COPS2: variants seen among roughly 807,000 people sequenced by gnomAD.
COPS2 encodes COP9 signalosome complex subunit 2.
In COPS2, 10 loss-of-function variants were observed where a neutral mutation model predicts 66.1. That is an observed-to-expected ratio of 0.15 (90% CI 0.09 to 0.26). COPS2 has a LOEUF of 0.26. Among genes scored for constraint, COPS2 ranks in the 10% least tolerant of loss-of-function variants. The pLI, the probability that COPS2 is intolerant of heterozygous loss-of-function variation, is 1.00. For missense variants in COPS2, 215 were observed against 513.3 expected, an observed-to-expected ratio of 0.42 and a Z score of 5.62; for synonymous variants, 179 against 171.3, an observed-to-expected ratio of 1.04 and a Z score of -0.35.
At chr15:49,139,464 A>G (rs2141128154) in intron 4 of COPS2, 64 bp downstream of exon 4, 4 of 1,335,264 alleles carry the variant, frequency 3.0e-6, no homozygotes, top group Non-Finnish European at 4.2e-6. Flanking sequence ...TCTATAAAGA[A>G]CAAAGCCCTT....
At chr15:49,137,498 T>C in intron 4 of COPS2, 61 bp from the exon 5 acceptor site, 1 of 1,213,648 alleles carries the variant, frequency 8.2e-7, no homozygotes, top group Non-Finnish European at 1.2e-6. Context: ...GTTAATAAAG[T>C]TAATTTGAAC....
In COPS2 at chr15:49,126,564, GTTC is replaced by G. The variant is rs2084168679; in HGVS notation, c.*1383_*1385del. 1 of 152,292 alleles carries G rather than the reference GTTC, an allele frequency of 6.6e-6. No homozygotes were observed. The highest frequency in any genetic ancestry group is 2.1e-4 in the South Asian group (1 of 4,824). 9.4% of individuals were successfully genotyped at this position (152,292 alleles called of 1,614,324 possible). ...AACCAAAGAAATTATGTTAATCCTA[GTTC>G]TTCCTTTCGACACTATAAAATAATG... On this transcript the variant is annotated 3_prime_UTR_variant, in exon 13 of 13. Transcript: ENST00000388901.
Position 49,128,098 on chromosome 15 carries a change from GA to G in COPS2, c.1188-5del. 6.2e-7 allele frequency: 1 copy of G among 1,611,884 alleles called. No individual in the cohort carries two copies. Among genetic ancestry groups the G allele is most frequent in the Non-Finnish European group, 8.5e-7 (1 of 1,178,880 alleles). On this transcript the variant is annotated splice_polypyrimidine_tract_variant and splice_region_variant and intron_variant, in intron 12 of 12. Coordinates refer to ENST00000388901, the MANE Select transcript of COPS2 (RefSeq NM_004236.4). ...ATCAATTCGGCCATGAATAGTGCTA[GA>G]AAGAAATAAATAAGATGTGTCTACA...
intron 1 of COPS2, 82 bp from the exon 2 acceptor site, chr15:49,145,160 GA>G: frequency 1.5e-6 from 1 of 688,642 alleles, no homozygotes. Context: ...ATGCTGTTAA[GA>G]CAGAAAAACC....
chr15:49,146,330 A>T (rs2084321075), intron 1 of COPS2, among the ~76,000 whole-genome samples: 1 of 152,170 alleles, frequency 6.6e-6, no homozygotes. Context: ...AGATGAAACT[A>T]GGTAGTAAAT....
At chr15:49,144,760 C>T (rs1376108237) in intron 2 of COPS2, among the ~76,000 whole-genome samples, 11 of 152,120 alleles carry the variant, frequency 7.2e-5, no homozygotes, top group Admixed American at 7.2e-4. Context: ...TTTTTCAGGA[C>T]AATGGCCCTG....
chr15:49,136,882 A>T (rs1251378370), intron 6 of COPS2, among the ~76,000 whole-genome samples: 1 of 152,060 alleles, frequency 6.6e-6, no homozygotes, highest in East Asian at 1.9e-4. Context: ...CCAGCTACTT[A>T]GGAGGCTGAG....
intron 6 of COPS2, among the ~76,000 whole-genome samples, 167 bp from the exon 7 acceptor site, chr15:49,134,681 A>C (rs1444900829): frequency 6.6e-6 from 1 of 152,212 alleles, no homozygotes; most frequent in Non-Finnish European, 1.5e-5. Flanking sequence ...ATGGCCAAAA[A>C]GAAACTAATA....
intron 1 of COPS2, among the ~76,000 whole-genome samples, chr15:49,155,141 C>A (rs1369261396): frequency 6.6e-6 from 1 of 152,266 alleles, no homozygotes; most frequent in East Asian, 1.9e-4. Context: ...GAAGTGGGGG[C>A]CCGGAACGCT....
chr15:49,147,918 G>A (rs1183940679), intron 1 of COPS2, among the ~76,000 whole-genome samples: 3 of 151,806 alleles, frequency 2.0e-5, no homozygotes. Flanking sequence ...CATGAGAATC[G>A]GCACAACTGA....
At chr15:49,143,977 GA>G (rs1196475455) in intron 3 of COPS2, among the ~76,000 whole-genome samples, 30 of 148,392 alleles carry the variant, frequency 2.0e-4, no homozygotes, top group East Asian at 5.9e-4. Context: ...CAGAGCGGGG[GA>G]AAAAAAAAAA....
intron 1 of COPS2, among the ~76,000 whole-genome samples, chr15:49,154,139 A>G (rs527841338): frequency 4.5e-4 from 68 of 152,294 alleles, no homozygotes; most frequent in South Asian, 3.7e-3. Context: ...AACCCCCCAT[A>G]AATATGTACA....
At chr15:49,150,421 T>C (rs2084352062) in intron 1 of COPS2, among the ~76,000 whole-genome samples, 1 of 152,180 alleles carries the variant, frequency 6.6e-6, no homozygotes, top group Non-Finnish European at 1.5e-5. Context: ...ACATGTTCGC[T>C]ATGTACATAG....
intron 7 of COPS2, 51 bp downstream of exon 7, chr15:49,134,289 C>G (rs751532103): frequency 7.7e-6 from 12 of 1,559,856 alleles, no homozygotes; most frequent in Non-Finnish European, 1.0e-5. Context: ...TTTAATTAAA[C>G]ACTTTGATAT....
chr15:49,141,901 A>G (rs557019507), intron 3 of COPS2, among the ~76,000 whole-genome samples: 20 of 152,306 alleles, frequency 1.3e-4, no homozygotes, highest in African/African-American at 3.8e-4. Context: ...GTTCAAATGG[A>G]CTCGAAACCA....
intron 1 of COPS2, among the ~76,000 whole-genome samples, chr15:49,147,371 T>C (rs2084327874): frequency 6.6e-6 from 1 of 152,166 alleles, no homozygotes; most frequent in Admixed American, 6.5e-5. Context: ...CAGAGTCCAT[T>C]TATTTTTGGT....
intron 6 of COPS2, among the ~76,000 whole-genome samples, chr15:49,134,872 T>C (rs59502787): frequency 0.024 from 3,495 of 146,660 alleles, 127 homozygotes; most frequent in African/African-American, 0.083. Context: ...GATAGGTTCT[T>C]GGAAACCATG....
chr15:49,143,034 T>C (rs1186639395), intron 3 of COPS2, among the ~76,000 whole-genome samples: 1 of 152,212 alleles, frequency 6.6e-6, no homozygotes, highest in African/African-American at 2.4e-5. Flanking sequence ...TGCTATTTTA[T>C]ATCAGGTGGT....
At chr15:49,152,328 G>A (rs1053952853) in intron 1 of COPS2, among the ~76,000 whole-genome samples, 1 of 151,130 alleles carries the variant, frequency 6.6e-6, no homozygotes, top group Non-Finnish European at 1.5e-5. Flanking sequence ...TACTAAATAA[G>A]TTTTATGCCA....
Sources: allele counts gnomAD v4.1 joint callset (sites outside exome capture counted in the v4.1 genomes callset), GRCh38; gene constraint gnomAD v4.1.1; transcripts MANE v1.5; gene names NCBI Gene and HGNC (gene_info 2026-07-23, HGNC 2026-07-21).